The following NRG1 variants were observed in gnomAD, a reference collection of about 807,000 sequenced individuals.
NRG1 encodes pro-neuregulin-1, membrane-bound isoform.
NRG1 carries 18 observed loss-of-function variants against 63.8 expected under a neutral mutation model. That is an observed-to-expected ratio of 0.28 (90% CI 0.19 to 0.42). The LOEUF (loss-of-function observed/expected upper bound fraction) is 0.42. Ranked by LOEUF, NRG1 falls within the 10% of genes least tolerant of loss-of-function variation. The pLI, the probability that NRG1 is intolerant of heterozygous loss-of-function variation, is 1.00. For missense variants in NRG1, 762 were observed against 814.7 expected (o/e 0.94, Z 0.79); for synonymous variants, 302 against 301.3 (o/e 1.00, Z -0.02).
At chr8:32,699,367 A>G (rs1814263990) in intron 5 of NRG1, among the ~76,000 whole-genome samples, 1 of 152,172 alleles carries the variant, frequency 6.6e-6, no homozygotes, top group Non-Finnish European at 1.5e-5. Context: ...GGAAATCAGT[A>G]AATTAGAGCA....
chr8:32,726,382 G>A (rs952591742), intron 5 of NRG1, among the ~76,000 whole-genome samples: 1 of 151,936 alleles, frequency 6.6e-6, no homozygotes, highest in African/African-American at 2.4e-5. Flanking sequence ...AATTCTGTAA[G>A]AGTGCCATTA....
intron 1 of NRG1, among the ~76,000 whole-genome samples, chr8:32,481,995 C>T (rs181696306): frequency 6.6e-6 from 1 of 152,156 alleles, no homozygotes; most frequent in African/African-American, 2.4e-5. Context: ...ACCCTGAATA[C>T]TAAGATGAGT....
rs182497955 is a variant in NRG1 at position 32,632,950 on chromosome 8, A to G, written c.502+16065A>G. On this transcript the variant is annotated intron_variant, in intron 5 of 11. Transcript: ENST00000356819. ...TAACACTTATTTCTTTGATTCCTGT[A>G]GAATTTCCTTATTAATTAACCCAGG... Among the ~76,000 whole-genome samples, 461 of 152,344 alleles carry G rather than the reference A, an allele frequency of 3.0e-3. 3 individuals are homozygous for G. Among genetic ancestry groups the G allele is most frequent in the African/African-American group, 0.01 (423 of 41,596 alleles).
chr8:32,195,092 G>T (rs1010255634), intron 1 of NRG1, among the ~76,000 whole-genome samples: 1 of 151,950 alleles, frequency 6.6e-6, no homozygotes, highest in Non-Finnish European at 1.5e-5. Flanking sequence ...ACTTGGGGAG[G>T]TTACTCCTTT....
At chr8:32,158,415 A>G (rs946122232) in intron 1 of NRG1, among the ~76,000 whole-genome samples, 3 of 122,676 alleles carry the variant, frequency 2.4e-5, no homozygotes, top group Admixed American at 2.0e-4. Flanking sequence ...CCCCAAAAAT[A>G]GAGTTGTTCG....
chr8:31,660,523 AT>A (rs111354119), intron 1 of NRG1, among the ~76,000 whole-genome samples: 1 of 152,290 alleles, frequency 6.6e-6, no homozygotes, highest in African/African-American at 2.4e-5. Flanking sequence ...ATTCGTTTTG[AT>A]TTGGAAAAAC....
intron 1 of NRG1, among the ~76,000 whole-genome samples, chr8:31,666,829 G>A (rs1221952953): frequency 1.3e-5 from 2 of 152,244 alleles, no homozygotes; most frequent in Admixed American, 6.5e-5. Context: ...TGGCAGGTAT[G>A]AGGGTAGGTT....
chr8:31,794,596 T>TA (rs1023547526), intron 1 of NRG1, among the ~76,000 whole-genome samples: 15 of 152,004 alleles, frequency 9.9e-5, no homozygotes, highest in African/African-American at 3.6e-4. Flanking sequence ...GTCAATATTT[T>TA]ACTTCACCTC....
At chr8:32,385,093 C>T (rs547460595) in intron 1 of NRG1, among the ~76,000 whole-genome samples, 1 of 152,320 alleles carries the variant, frequency 6.6e-6, no homozygotes, top group East Asian at 1.9e-4. Context: ...GATCTCTGCT[C>T]ACTGCAAGCT....
At chr8:31,639,876 AG>A in intron 1 of NRG1, 1 of 1,088,316 alleles carries the variant, frequency 9.2e-7, no homozygotes, top group Non-Finnish European at 1.1e-6. Flanking sequence ...GAGGAGGGCA[AG>A]GGGGGAGGAG....
chr8:31,977,031 G>A (rs1158350809), intron 1 of NRG1, among the ~76,000 whole-genome samples: 2 of 152,002 alleles, frequency 1.3e-5, no homozygotes, highest in South Asian at 2.1e-4. Context: ...CATTAATCTC[G>A]ACTACACTAA....
chr8:31,673,921 C>T (rs1807415022), intron 1 of NRG1, among the ~76,000 whole-genome samples: 1 of 151,976 alleles, frequency 6.6e-6, no homozygotes, highest in Non-Finnish European at 1.5e-5. Context: ...TAGAACATTT[C>T]CATCATCCCC....
intron 5 of NRG1, among the ~76,000 whole-genome samples, chr8:32,698,202 CAA>C (rs113594688): frequency 3.0e-5 from 4 of 131,584 alleles, no homozygotes; most frequent in Admixed American, 7.8e-5. Context: ...GACTCCATCT[CAA>C]AAAAAAAAAA....
intron 1 of NRG1, among the ~76,000 whole-genome samples, chr8:32,432,852 A>G (rs557425110): frequency 1.4e-4 from 22 of 152,230 alleles, no homozygotes; most frequent in African/African-American, 5.3e-4. Context: ...TCTTAGATCT[A>G]TTTTTCAGCA....
chr8:32,285,259 G>A (rs1028299946), intron 1 of NRG1, among the ~76,000 whole-genome samples: 2 of 152,080 alleles, frequency 1.3e-5, no homozygotes, highest in African/African-American at 4.8e-5. Context: ...GCAACCTGAA[G>A]TTCGGAGAGG....
intron 7 of NRG1, among the ~76,000 whole-genome samples, chr8:32,748,523 A>C (rs1293447087): frequency 6.6e-6 from 1 of 151,970 alleles, no homozygotes; most frequent in African/African-American, 2.4e-5. Context: ...GTTTTCCCCC[A>C]CTTCCTCAAT....
chr8:31,700,656 C>T (rs1810537195), intron 1 of NRG1, among the ~76,000 whole-genome samples: 1 of 152,122 alleles, frequency 6.6e-6, no homozygotes, highest in Admixed American at 6.6e-5. Flanking sequence ...ATTAGAACCT[C>T]GATTCTATGC....
At chr8:31,717,317 G>T (rs1211759956) in intron 1 of NRG1, among the ~76,000 whole-genome samples, 1 of 151,038 alleles carries the variant, frequency 6.6e-6, no homozygotes, top group Non-Finnish European at 1.5e-5. Flanking sequence ...TGAGCCAGGA[G>T]AATCACTTGA....
intron 1 of NRG1, among the ~76,000 whole-genome samples, chr8:32,177,180 G>T (rs889598515): frequency 1.3e-5 from 2 of 151,984 alleles, no homozygotes; most frequent in Non-Finnish European, 2.9e-5. Context: ...CCTTTGTAAG[G>T]ACATGGATGA....
Sources: gnomAD v4.1 joint callset for allele counts (sites outside exome capture counted in the v4.1 genomes callset) on GRCh38, gnomAD v4.1.1 for gene constraint, MANE v1.5 for transcripts, NCBI Gene and HGNC (gene_info 2026-07-23, HGNC 2026-07-21) for gene names.